PIEZO1: variants seen among roughly 807,000 people sequenced by gnomAD.
PIEZO1 encodes the protein piezo type mechanosensitive ion channel component 1 (Er blood group), also known as piezo-type mechanosensitive ion channel component 1.
Under a neutral mutation model 297.2 loss-of-function variants are expected in PIEZO1, and 296 were observed. The ratio of observed to expected loss-of-function variants is 1.00; its 90% CI spans 0.91 to 1.10. PIEZO1 has a LOEUF of 1.10. Ranked by LOEUF, PIEZO1 falls within the 50% of genes least tolerant of loss-of-function variation. PIEZO1 has a pLI of 0.00. For synonymous variants in PIEZO1, 2,427 were observed against 1,507.5 expected (o/e 1.61, Z -14.13); for missense variants, 5,018 against 3,455.5 (o/e 1.45, Z -11.34).
chr16:88,758,050 C>A (rs1211350203), intron 1 of PIEZO1, among the ~76,000 whole-genome samples: 1 of 152,162 alleles, frequency 6.6e-6, no homozygotes, highest in Non-Finnish European at 1.5e-5. Context: ...GACGAATAGG[C>A]CCTCCGGGGT....
Position 88,715,827 on chromosome 16 carries a change from C to G in PIEZO1, c.7344G>C (p.Val2448=), listed in dbSNP as rs767828536. 3.2e-6 allele frequency: 5 copies of G among 1,550,262 alleles called. No homozygotes were observed. The highest frequency in any genetic ancestry group is 1.2e-5 in the South Asian group (1 of 84,068). The change falls in exon 51 of 51, where the codon GTG becomes GTC. Residue 2448 remains valine, a synonymous_variant. Transcript: ENST00000301015. ...CGCGCACGAACTTGCCGATGACCAG[C>G]ACGATGGACACGTACAGCCCCATGA... ...YGIMGLYVSI[V]LVIGKFVRGF... is the part of the protein sequence containing the mutation.
At position 88,715,749 on chromosome 16, in the gene PIEZO1, C is replaced by T; in HGVS notation, c.7422G>A (p.Val2474=). The T allele has an allele frequency of 6.4e-7, 1 of 1,550,466 alleles. No homozygotes were observed. The highest frequency in any genetic ancestry group is 1.2e-5 in the South Asian group (1 of 84,066). The change falls in exon 51 of 51, where the codon GTG becomes GTA. Residue 2474 remains valine, a synonymous_variant. Coordinates refer to ENST00000301015, the MANE Select transcript of PIEZO1 (RefSeq NM_001142864.4). ...HSIMFEELPC[V]DRILKLCQDI... The stretch of plus-strand genomic sequence containing the variant: ...CCTGGCAGAGCTTGAGGATGCGGTC[C>T]ACGCACGGCAGCTCCTCGAACATAA...
At position 88,726,508 on chromosome 16, in the gene PIEZO1, T is replaced by G. The variant is rs776495952; in HGVS notation, c.3796+39A>C. 8.4e-6 allele frequency: 13 copies of G among 1,545,640 alleles called. No individual in the cohort carries two copies. The Admixed American group carries it at 2.6e-4, about 30-fold the overall frequency. On this transcript the variant is annotated intron_variant, in intron 26 of 50. Transcript: ENST00000301015. Reference sequence around the variant, plus strand: ...GGCCCAGGGCCCAGGAGCAGGGGGCTTCCCCACGCCCTCCCCCGCCACCGT... The same window carrying G: ...GGCCCAGGGCCCAGGAGCAGGGGGCGTCCCCACGCCCTCCCCCGCCACCGT...
intron 35 of PIEZO1, 30 bp from the exon 36 acceptor site, chr16:88,722,427 C>G (rs927536584): frequency 4.7e-6 from 7 of 1,480,528 alleles, no homozygotes; most frequent in Non-Finnish European, 6.3e-6. Flanking sequence ...CACAGAGAAT[C>G]CTGCTCTATG....
intron 22 of PIEZO1, among the ~76,000 whole-genome samples, chr16:88,730,245 G>A (rs1904709942): frequency 3.3e-5 from 5 of 152,254 alleles, no homozygotes; most frequent in Admixed American, 2.0e-4. Flanking sequence ...ATGGCTGTGA[G>A]CACAAGGCTG....
rs769950800 is a variant in PIEZO1 at position 88,734,472 on chromosome 16, G to T, written c.2064C>A (p.Gly688=). 6 of 1,549,756 alleles carry T rather than the reference G, an allele frequency of 3.9e-6. No individual in the cohort carries two copies. The African/African-American group carries it at 4.1e-5, about 11-fold the overall frequency. ...GCAGGATGCAGGCCAGGAGGAAGAAGCCGGGCACCAGGATGCTGGAGAAGA... is the reference window on the plus strand; with the variant it reads ...GCAGGATGCAGGCCAGGAGGAAGAATCCGGGCACCAGGATGCTGGAGAAGA... The part of the protein sequence containing the change: ...SELFSSILVP[G]FFLLACILQL... Residue 688 remains glycine (G), a synonymous_variant, in exon 16 of 51, where the codon GGC becomes GGA. Transcript: ENST00000301015.
At chr16:88,724,952 C>G (rs929747980) in intron 30 of PIEZO1, 57 bp downstream of exon 30, 3 of 1,111,702 alleles carry the variant, frequency 2.7e-6, no homozygotes, top group Non-Finnish European at 3.7e-6. Flanking sequence ...AGGCAGAGGA[C>G]AGATGGGGGC....
Position 88,715,797 on chromosome 16 carries a change from G to C in PIEZO1, c.7374C>G (p.Phe2458Leu), listed in dbSNP as rs202127176. The change falls in exon 51 of 51, where the codon TTC (phenylalanine) becomes TTG (leucine). Residue 2458 changes from phenylalanine to leucine, a missense_variant. Phe to Leu is a conservative substitution (Grantham distance 22). Coordinates refer to ENST00000301015, the MANE Select transcript of PIEZO1 (RefSeq NM_001142864.4). ...VLVIGKFVRG[F>L]FSEISHSIMF... ...TAATGGAGTGCGAGATCTCGCTGAA[G>C]AATCCGCGCACGAACTTGCCGATGA... The C allele has an allele frequency of 1.4e-3, 2,137 of 1,550,376 alleles. 4 individuals carry two copies. The highest frequency in any genetic ancestry group is 2.0e-3 in the South Asian group (169 of 84,068).
intron 1 of PIEZO1, among the ~76,000 whole-genome samples, chr16:88,755,073 G>A (rs1352485868): frequency 2.0e-5 from 3 of 152,070 alleles, no homozygotes; most frequent in Admixed American, 1.3e-4. Flanking sequence ...TCACGTCACC[G>A]CCGCCCCCAG....
At chr16:88,743,712 T>C in intron 2 of PIEZO1, 1 of 448,828 alleles carries the variant, frequency 2.2e-6, no homozygotes, top group Non-Finnish European at 4.5e-6. Context: ...TCCCTAAGCC[T>C]GACCGTGAAG....
Position 88,716,685 on chromosome 16 carries a change from G to T in PIEZO1, c.6800C>A (p.Thr2267Lys). The T allele has an allele frequency of 1.9e-6, 3 of 1,548,978 alleles. No individual in the cohort carries two copies. The highest frequency in any genetic ancestry group is 1.2e-5 in the South Asian group (1 of 84,060). The change falls in exon 47 of 51, where the codon ACG becomes AAG. Residue 2267 changes from threonine (T) to lysine (K), a missense_variant. Thr to Lys is a moderately conservative substitution (Grantham distance 78, BLOSUM62 -1). Coordinates refer to ENST00000301015, the MANE Select transcript of PIEZO1 (RefSeq NM_001142864.4). ...CCCGGAGCTGCCCTCAATCTGCGCC[G>T]TGACGATGTCCTCAGGGCTGTACTG... ...ISQYSPEDIV[T>K]AQIEGSSGAL...
chr16:88,717,180 T>C lies in PIEZO1; in HGVS notation c.6503A>G (p.Lys2168Arg), dbSNP rs1188101266. The C allele has an allele frequency of 1.9e-6, 3 of 1,550,212 alleles. No homozygotes were observed. Among genetic ancestry groups the C allele is most frequent in the African/African-American group, 1.4e-5 (1 of 73,070 alleles). ...ACCCATGCCGTACTTGACGATCTTC[T>C]TCTTCTTCTGCCCTTTGGGCTGCGG... The part of the protein sequence containing the change: ...KYPQPKGQKK[K>R]KIVKYGMGGL... Residue 2168 changes from lysine to arginine, a missense_variant, in exon 45 of 51, where the codon AAG becomes AGG. Lys to Arg is a conservative substitution (Grantham distance 26). Coordinates refer to ENST00000301015, the MANE Select transcript of PIEZO1 (RefSeq NM_001142864.4).
At chr16:88,727,734 G>T in intron 22 of PIEZO1, 73 bp from the exon 23 acceptor site, 2 of 683,308 alleles carry the variant, frequency 2.9e-6, no homozygotes, top group South Asian at 5.2e-5. Flanking sequence ...CCCACCCGTT[G>T]ACCCGAGTCT....
At chr16:88,744,399 G>A (rs1905903232) in intron 2 of PIEZO1, 1 of 152,128 alleles carries the variant, frequency 6.6e-6, no homozygotes, top group South Asian at 2.1e-4. Flanking sequence ...AGGCACGTGG[G>A]GCTCCTGCTG....
At chr16:88,743,028 C>A (rs1241959003) in intron 2 of PIEZO1, 4 of 456,092 alleles carry the variant, frequency 8.8e-6, no homozygotes, top group Non-Finnish European at 1.8e-5. Context: ...TGCTGTGCAC[C>A]AGGTCAGGCC....
chr16:88,727,192 C>G lies in PIEZO1; in HGVS notation c.3302G>C (p.Ser1101Thr), dbSNP rs1209807241. 1 of 1,537,108 alleles carries G rather than the reference C, an allele frequency of 6.5e-7. No individual in the cohort carries two copies. ...FRAPNSTNLISDFLLLLCASQ... is the reference protein window; with the variant it reads ...FRAPNSTNLITDFLLLLCASQ... The stretch of plus-strand genomic sequence containing the variant: ...GGCGCACAGCAGCAGGAGAAAGTCG[C>G]CTGCAGGACACAGGAGCCGCCGCTG... Residue 1101 changes from serine to threonine, a missense_variant and splice_region_variant, in exon 24 of 51, where the codon AGC (serine) becomes ACC (threonine). Physicochemically the swap from Ser to Thr is moderately conservative, Grantham distance 58 (BLOSUM62 1). Coordinates refer to ENST00000301015, the MANE Select transcript of PIEZO1 (RefSeq NM_001142864.4).
In PIEZO1 at chr16:88,723,247, G is replaced by C. The variant is rs1904296533; in HGVS notation, c.4417C>G (p.Gln1473Glu). The C allele has an allele frequency of 3.9e-6, 6 of 1,545,986 alleles. No individual in the cohort carries two copies. Among genetic ancestry groups the C allele is most frequent in the Non-Finnish European group, 5.2e-6 (6 of 1,146,762 alleles). ...TCACCTGTGGGTAGCTGTCCTGCCTGTTCCTGCCTTGCCTGCTCCTGCTCC... is the reference window on the plus strand; with the variant it reads ...TCACCTGTGGGTAGCTGTCCTGCCTCTTCCTGCCTTGCCTGCTCCTGCTCC... ...QQEQEQARQE[Q>E]AGQLPTGGGP... The change falls in exon 32 of 51, where the codon CAG becomes GAG. Residue 1473 changes from glutamine (Q) to glutamate (E), a missense_variant. Coordinates refer to ENST00000301015, the MANE Select transcript of PIEZO1 (RefSeq NM_001142864.4).
intron 1 of PIEZO1, among the ~76,000 whole-genome samples, chr16:88,775,741 A>AG (rs1339013817): frequency 7.3e-5 from 11 of 151,532 alleles, no homozygotes; most frequent in African/African-American, 9.7e-5. Flanking sequence ...AAAAAAAAAA[A>AG]AAAGAAAAGA....
At chr16:88,773,698 CGGGG>C (rs1907528450) in intron 1 of PIEZO1, among the ~76,000 whole-genome samples, 2 of 151,520 alleles carry the variant, frequency 1.3e-5, no homozygotes, top group African/African-American at 4.9e-5. Context: ...ACAGGCAGGT[CGGGG>C]GAGTGGACAG....
Sources: gnomAD v4.1 joint callset for allele counts (sites outside exome capture counted in the v4.1 genomes callset) on GRCh38, gnomAD v4.1.1 for gene constraint, MANE v1.5 for transcripts, NCBI Gene and HGNC (gene_info 2026-07-23, HGNC 2026-07-21) for gene names.